The following NYAP2 variants were observed in gnomAD, a reference collection of about 807,000 sequenced individuals.
NYAP2 encodes the protein neuronal tyrosine-phosphorylated phosphoinositide-3-kinase adaptor 2, also known as neuronal tyrosine-phosphorylated phosphoinositide-3-kinase adapter 2.
A neutral mutation model predicts 50.4 loss-of-function variants in NYAP2; 23 were observed. The observed-to-expected ratio is 0.46, with a 90% CI of 0.33 to 0.65. The LOEUF (loss-of-function observed/expected upper bound fraction) is 0.65, where lower values mean the gene tolerates loss of function less well. NYAP2 is among the 30% of genes least tolerant of loss of function. NYAP2 has a pLI of 0.02. For synonymous variants in NYAP2, 394 were observed against 365.2 expected, an observed-to-expected ratio of 1.08 and a Z score of -0.90; for missense variants, 885 against 861.0, an observed-to-expected ratio of 1.03 and a Z score of -0.35.
At chr2:225,695,580 G>A in the NYAP2 span, among the ~76,000 whole-genome samples, 4 of 151,656 alleles carry the variant, frequency 2.6e-5, no homozygotes, top group Non-Finnish European at 5.9e-5. Context: ...GGACCACCAA[G>A]ATGAGTGAGA....
chr2:225,622,731 C>T (rs1693143294), intron 5 of NYAP2, among the ~76,000 whole-genome samples: 1 of 151,816 alleles, frequency 6.6e-6, no homozygotes, highest in Non-Finnish European at 1.5e-5. Context: ...AGACACCTGC[C>T]ACTACGCCCG....
At chr2:225,562,582 G>A (rs779465156) in intron 4 of NYAP2, among the ~76,000 whole-genome samples, 1 of 152,040 alleles carries the variant, frequency 6.6e-6, no homozygotes, top group South Asian at 2.1e-4. Context: ...TGTCTTCCCT[G>A]CCTGGGTTTT....
chr2:225,412,922 A>T (rs7423138), intron 3 of NYAP2, among the ~76,000 whole-genome samples: 1 of 151,984 alleles, frequency 6.6e-6, no homozygotes, highest in African/African-American at 2.4e-5. Context: ...CAGCAGGAAC[A>T]CTGACCAGGT....
chr2:225,441,859 G>C (rs1207737351), intron 3 of NYAP2, among the ~76,000 whole-genome samples: 2 of 152,150 alleles, frequency 1.3e-5, no homozygotes, highest in African/African-American at 4.8e-5. Context: ...CTAAGGCTCA[G>C]TTTCCTCATC....
At chr2:225,604,539 T>G (rs1692751691) in intron 5 of NYAP2, among the ~76,000 whole-genome samples, 1 of 152,164 alleles carries the variant, frequency 6.6e-6, no homozygotes, top group African/African-American at 2.4e-5. Context: ...TTCTCATATG[T>G]GCCCTGTAAA....
chr2:225,452,949 G>C (rs1464826635), intron 3 of NYAP2, among the ~76,000 whole-genome samples: 1 of 152,092 alleles, frequency 6.6e-6, no homozygotes, highest in Non-Finnish European at 1.5e-5. Context: ...TGTTACATTT[G>C]TGCATAATCA....
intron 3 of NYAP2, among the ~76,000 whole-genome samples, chr2:225,441,357 T>C (rs1689468328): frequency 1.3e-5 from 2 of 152,210 alleles, no homozygotes; most frequent in Non-Finnish European, 2.9e-5. Flanking sequence ...TCTTGGTTGG[T>C]CATTTCATGT....
chr2:225,530,813 A>C (rs1691241504), intron 4 of NYAP2, among the ~76,000 whole-genome samples: 1 of 152,202 alleles, frequency 6.6e-6, no homozygotes, highest in African/African-American at 2.4e-5. Flanking sequence ...CAAGTTAGAC[A>C]TGCAAGAGCC....
At chr2:225,667,680 C>T in the NYAP2 span, among the ~76,000 whole-genome samples, 1 of 152,104 alleles carries the variant, frequency 6.6e-6, no homozygotes, top group Non-Finnish European at 1.5e-5. Context: ...GAGAGCCCTT[C>T]CCTGAACAAT....
chr2:225,453,990 T>C (rs558105798), intron 3 of NYAP2, among the ~76,000 whole-genome samples: 11 of 152,110 alleles, frequency 7.2e-5, no homozygotes, highest in Middle Eastern at 6.8e-3. Flanking sequence ...TATTAATTTT[T>C]TTATAGAGCA....
intron 3 of NYAP2, among the ~76,000 whole-genome samples, chr2:225,435,136 C>T (rs189527719): frequency 4.6e-5 from 7 of 152,134 alleles, no homozygotes; most frequent in Non-Finnish European, 1.5e-5. Context: ...TTGCTTTTTT[C>T]GGTGACACTT....
rs76505697 is a variant in NYAP2, at chr2:225,546,920, A to G, written c.523+33248A>G. Among the ~76,000 whole-genome samples, 599 of 152,150 alleles carry G rather than the reference A, an allele frequency of 3.9e-3. 2 individuals carry two copies. Among genetic ancestry groups the G allele is most frequent in the African/African-American group, 0.014 (581 of 41,504 alleles). ...TCAGCAGGTGATAAATCCTTCCAGG[A>G]CTGGGTCCTTCGTTCAAAGCAGTGG... On this transcript the variant is annotated intron_variant, in intron 4 of 6. Coordinates refer to ENST00000636099, the Ensembl canonical transcript of NYAP2.
chr2:225,449,228 T>C (rs1689610573), intron 3 of NYAP2, among the ~76,000 whole-genome samples: 1 of 152,200 alleles, frequency 6.6e-6, no homozygotes, highest in African/African-American at 2.4e-5. Context: ...GAGTCATTTA[T>C]CCTTGAATGT....
At chr2:225,408,269 G>A (rs1694974371) in intron 2 of NYAP2, among the ~76,000 whole-genome samples, 1 of 151,870 alleles carries the variant, frequency 6.6e-6, no homozygotes, top group African/African-American at 2.4e-5. Context: ...GCATTATGGA[G>A]GAACATTATG....
chr2:225,530,080 C>T (rs1691227579), intron 4 of NYAP2, among the ~76,000 whole-genome samples: 1 of 152,136 alleles, frequency 6.6e-6, no homozygotes, highest in Non-Finnish European at 1.5e-5. Flanking sequence ...GCGTTTGGTA[C>T]TGTACAAAAC....
intron 3 of NYAP2, among the ~76,000 whole-genome samples, chr2:225,412,485 G>A (rs1316507284): frequency 6.6e-6 from 1 of 151,748 alleles, no homozygotes; most frequent in Non-Finnish European, 1.5e-5. Flanking sequence ...GAGGACATAT[G>A]CCACATTATG....
intron 3 of NYAP2, among the ~76,000 whole-genome samples, chr2:225,441,191 A>C (rs1689465519): frequency 3.3e-5 from 5 of 152,224 alleles, no homozygotes; most frequent in Admixed American, 3.3e-4. Context: ...AGATCAGTGA[A>C]TCCCTCTACA....
At chr2:225,437,237 G>A (rs547190735) in intron 3 of NYAP2, among the ~76,000 whole-genome samples, 28 of 152,118 alleles carry the variant, frequency 1.8e-4, no homozygotes, top group Non-Finnish European at 3.1e-4. Context: ...CCACAGCCAC[G>A]TGGAAAGGCT....
At chr2:225,515,125 G>A (rs999098740) in intron 4 of NYAP2, among the ~76,000 whole-genome samples, 2 of 152,140 alleles carry the variant, frequency 1.3e-5, no homozygotes, top group Admixed American at 6.5e-5. Context: ...TAAATGCCTG[G>A]AGATAGAGTC....
Sources: gnomAD v4.1 joint callset for allele counts (sites outside exome capture counted in the v4.1 genomes callset) on GRCh38, gnomAD v4.1.1 for gene constraint, MANE v1.5 for transcripts, NCBI Gene and HGNC (gene_info 2026-07-23, HGNC 2026-07-21) for gene names.